PLD2: variants seen among roughly 807,000 people sequenced by gnomAD.
PLD2 encodes the protein phospholipase D2.
PLD2 carries 101 observed loss-of-function variants against 119.8 expected under a neutral mutation model. That is an observed-to-expected ratio of 0.84 (90% CI 0.72 to 0.99). The LOEUF (loss-of-function observed/expected upper bound fraction) is 0.99, where lower values mean the gene tolerates loss of function less well. Among genes scored for constraint, PLD2 ranks in the 50% least tolerant of loss-of-function variants. The pLI, the probability that PLD2 is intolerant of heterozygous loss-of-function variation, is 0.00. For missense variants in PLD2, 1,164 were observed against 1,226.8 expected (o/e 0.95, Z 0.76); for synonymous variants, 494 against 482.8 (o/e 1.02, Z -0.30).
chr17:4,820,530 T>C (rs1182258991), intron 23 of PLD2, among the ~76,000 whole-genome samples: 1 of 146,680 alleles, frequency 6.8e-6, no homozygotes, highest in Non-Finnish European at 1.5e-5. Flanking sequence ...GTGCTGGGAT[T>C]ACAGGCATGA....
At chr17:4,815,731 C>G (rs892461154) in intron 13 of PLD2, 33 bp from the exon 14 acceptor site, 1 of 1,609,844 alleles carries the variant, frequency 6.2e-7, no homozygotes, top group South Asian at 1.1e-5. Context: ...TTCACCTAAA[C>G]CCACCCTCAT....
intron 12 of PLD2, among the ~76,000 whole-genome samples, 173 bp from the exon 13 acceptor site, chr17:4,815,303 A>C (rs909147864): frequency 6.6e-6 from 1 of 152,054 alleles, no homozygotes; most frequent in Middle Eastern, 3.4e-3. Flanking sequence ...GTGGGTGAGC[A>C]CACAGATGAC....
Position 4,808,181 on chromosome 17 carries a change from C to T in PLD2, c.240+67C>T. The T allele has an allele frequency of 6.3e-7, 1 of 1,591,540 alleles. No individual in the cohort carries two copies. The highest frequency in any genetic ancestry group is 1.7e-5 in the Admixed American group (1 of 58,870). ...CCGGAATGGATCCAAGGTGGCTGGGCTGGCCCCAGGGAAGGGGCAAAAGGA... is the reference window on the plus strand; with the variant it reads ...CCGGAATGGATCCAAGGTGGCTGGGTTGGCCCCAGGGAAGGGGCAAAAGGA... On this transcript the variant is annotated intron_variant, in intron 3 of 24. Transcript: ENST00000263088. This position sits in a 1 kb window ranked among gnomAD's most constrained non-coding sequence, Gnocchi z 4.1.
chr17:4,808,231 G>A lies in PLD2; in HGVS notation c.241-43G>A. The stretch of plus-strand genomic sequence containing the variant: ...AGGGCTGGCCAGAGTGGGGAGGCGG[G>A]GACCCACGCAGGGGACATCCATTCA... On this transcript the variant is annotated intron_variant, in intron 3 of 24. Coordinates refer to ENST00000263088, the MANE Select transcript of PLD2 (RefSeq NM_002663.5). This position sits in a 1 kb window ranked among gnomAD's most constrained non-coding sequence, Gnocchi z 4.1. 1 of 1,605,138 alleles carries A rather than the reference G, an allele frequency of 6.2e-7. No homozygotes were observed.
rs924497952 is a variant in PLD2 at position 4,807,159 on chromosome 17, C to G, written c.-68C>G. 6.6e-6 allele frequency: 1 copy of G among 151,266 alleles called. No homozygotes were observed. Among genetic ancestry groups the G allele is most frequent in the African/African-American group, 2.4e-5 (1 of 41,260 alleles). The allele number at this position is 151,266 out of a possible 1,614,324, so 9.4% of individuals were successfully genotyped here. On this transcript the variant is annotated 5_prime_UTR_variant, in exon 1 of 25. Transcript: ENST00000263088. This position sits in a 1 kb window ranked among gnomAD's most constrained non-coding sequence, Gnocchi z 5.4. ...CCCCGCCTCGGCCGGGGCGTGGGCT[C>G]CGGCTGCAGCTCCGGTCTGCTCTCT...
chr17:4,815,465 C>T lies in PLD2; in HGVS notation c.1174-11C>T. 1 of 1,548,104 alleles carries T rather than the reference C, an allele frequency of 6.5e-7. No individual in the cohort carries two copies. Among genetic ancestry groups the T allele is most frequent in the Non-Finnish European group, 8.9e-7 (1 of 1,119,526 alleles). ...GAGGCACTAGGATCTGATTCCCCAA[C>T]TCACCACCAGGAGGAGGGTGTCCGT... is the stretch of plus-strand genomic sequence containing the variant. On this transcript the variant is annotated splice_polypyrimidine_tract_variant and intron_variant, in intron 12 of 24. Transcript: ENST00000263088.
intron 17 of PLD2, 55 bp downstream of exon 17, chr17:4,817,314 C>T (rs1907089151): frequency 1.8e-6 from 2 of 1,098,476 alleles, no homozygotes; most frequent in Non-Finnish European, 2.8e-6. Flanking sequence ...GCCTAACACC[C>T]CAACCCACTC....
chr17:4,821,233 C>G (rs1907645550), intron 23 of PLD2, among the ~76,000 whole-genome samples: 1 of 150,806 alleles, frequency 6.6e-6, no homozygotes, highest in African/African-American at 2.4e-5. Context: ...TAATTTTTTT[C>G]ACAGGTTCTG....
rs909332335 is a variant in PLD2 at position 4,819,969 on chromosome 17, G to A, written c.2462+387G>A. 2.6e-5 allele frequency among the ~76,000 whole-genome samples: 4 copies of A among 151,836 alleles called. No homozygotes were observed. The highest frequency in any genetic ancestry group is 1.9e-4 in the East Asian group (1 of 5,192). On this transcript the variant is annotated intron_variant, in intron 23 of 24. Coordinates refer to ENST00000263088, the MANE Select transcript of PLD2 (RefSeq NM_002663.5). This position sits in a 1 kb window ranked among gnomAD's most constrained non-coding sequence, Gnocchi z 4.2. ...GAAAAAAATCTTTTTTTTTTGAGAC[G>A]GAGTTTTGCTCTTGTTGCCCAGGCT...
rs767438228 is a variant in PLD2, at chr17:4,809,859, G to A, written c.708-18G>A. ...ATTTTGAGGGCAGAGAGGAACACAC[G>A]GAGCCCTTCTGCTCTAGGTGGCTGG... On this transcript the variant is annotated intron_variant, in intron 8 of 24. Coordinates refer to ENST00000263088, the MANE Select transcript of PLD2 (RefSeq NM_002663.5). 8.7e-6 allele frequency: 14 copies of A among 1,614,042 alleles called. No individual in the cohort carries two copies. Among genetic ancestry groups the A allele is most frequent in the South Asian group, 3.3e-5 (3 of 91,082 alleles).
chr17:4,808,384 C>T lies in PLD2; in HGVS notation c.351C>T (p.His117=), dbSNP rs532890833. ...FQELHRDLLR[H]KVLMSLLPLA... is the part of the protein sequence containing the mutation. ...AGCTGCATCGGGACCTCCTGAGACA[C>T]AAAGTCTTGATGAGTCTGCTCCCTC... is the stretch of plus-strand genomic sequence containing the variant. The change falls in exon 4 of 25, where the codon CAC becomes CAT. Residue 117 remains histidine, a synonymous_variant. Transcript: ENST00000263088. The surrounding 1 kb of genome is among the most constrained non-coding windows in gnomAD (Gnocchi z 4.1). The T allele has an allele frequency of 6.2e-7, 1 of 1,614,086 alleles. No individual in the cohort carries two copies. Among genetic ancestry groups the T allele is most frequent in the East Asian group, 2.2e-5 (1 of 44,886 alleles).
At chr17:4,817,351 CTCCTT>C in intron 17 of PLD2, 92 bp downstream of exon 17, 2 of 865,210 alleles carry the variant, frequency 2.3e-6, no homozygotes, top group Non-Finnish European at 2.0e-6. Flanking sequence ...TGCCCACACT[CTCCTT>C]TCCTGGGGTT....
chr17:4,808,114 G>A lies in PLD2; in HGVS notation c.240G>A (p.Lys80=), dbSNP rs1183347106. 1.9e-6 allele frequency: 3 copies of A among 1,607,280 alleles called. No homozygotes were observed. Among genetic ancestry groups the A allele is most frequent in the Non-Finnish European group, 2.6e-6 (3 of 1,174,540 alleles). ...CCGAAAGATATACCAGCGGATCCAAGGTGGCCAGACTGGCCCCAGGGAGGG... is the reference window on the plus strand; with the variant it reads ...CCGAAAGATATACCAGCGGATCCAAAGTGGCCAGACTGGCCCCAGGGAGGG... The part of the protein sequence containing the change: ...VGTERYTSGS[K]VGTCTLYSVR... Residue 80 remains lysine (K), a splice_region_variant and synonymous_variant, in exon 3 of 25, where the codon AAG becomes AAA. Coordinates refer to ENST00000263088, the MANE Select transcript of PLD2 (RefSeq NM_002663.5). This position sits in a 1 kb window ranked among gnomAD's most constrained non-coding sequence, Gnocchi z 4.1.
Position 4,814,407 on chromosome 17 carries a change from C to T in PLD2, c.1011-11C>T. ...GACTCCCCTGACCTCCTTGGCTTGG[C>T]CTCCCCCCAGGTTTGTGAATGGGGC... On this transcript the variant is annotated splice_polypyrimidine_tract_variant and intron_variant, in intron 10 of 24. Transcript: ENST00000263088. The T allele has an allele frequency of 1.9e-6, 3 of 1,605,458 alleles. No homozygotes were observed. The highest frequency in any genetic ancestry group is 1.7e-5 in the Admixed American group (1 of 58,560).
chr17:4,822,044 A>G, intron 24 of PLD2, 137 bp downstream of exon 24: 1 of 616,866 alleles, frequency 1.6e-6, no homozygotes, highest in Non-Finnish European at 2.9e-6. Context: ...TTTGCTATCA[A>G]GAGATTTAGT....
At position 4,818,547 on chromosome 17, in the gene PLD2, A is replaced by G. The variant is rs1165539234; in HGVS notation, c.2063A>G (p.Glu688Gly). ...CTTTTGCCCTTACTCCCTGGCTTCG[A>G]GGGTGACATCTCCACGGGCGGTGGC... is the stretch of plus-strand genomic sequence containing the variant. ...YVLLPLLPGFEGDISTGGGNS... is the reference protein window; with the variant it reads ...YVLLPLLPGFGGDISTGGGNS... Residue 688 changes from glutamate to glycine, a missense_variant, in exon 20 of 25, where the codon GAG becomes GGG. By Grantham distance (98) the Glu-to-Gly change is moderately conservative. Coordinates refer to ENST00000263088, the MANE Select transcript of PLD2 (RefSeq NM_002663.5). 14 of 1,613,904 alleles carry G rather than the reference A, an allele frequency of 8.7e-6. No individual in the cohort carries two copies. The highest frequency in any genetic ancestry group is 1.2e-5 in the Non-Finnish European group (14 of 1,179,954).
chr17:4,809,380 G>T lies in PLD2; in HGVS notation c.555+17G>T. ...CATGCCATGGTAAGGTCCAGGGGCC[G>T]ATTTTAGATGTGGAGCAGGATTATC... On this transcript the variant is annotated intron_variant, in intron 6 of 24. Coordinates refer to ENST00000263088, the MANE Select transcript of PLD2 (RefSeq NM_002663.5). 2 of 1,613,742 alleles carry T rather than the reference G, an allele frequency of 1.2e-6. No homozygotes were observed. The highest frequency in any genetic ancestry group is 1.3e-5 in the African/African-American group (1 of 75,050).
In PLD2 at chr17:4,807,705, G is replaced by A; in HGVS notation, c.-1-67G>A. On this transcript the variant is annotated intron_variant, in intron 1 of 24. Coordinates refer to ENST00000263088, the MANE Select transcript of PLD2 (RefSeq NM_002663.5). The surrounding 1 kb of genome is among the most constrained non-coding windows in gnomAD (Gnocchi z 5.4). Reference sequence around the variant, plus strand: ...GATCTGGAAGAGATGGAGGACCTGCGGGAGTTAGGATGGGGGGCGGGTTCT... The same window carrying A: ...GATCTGGAAGAGATGGAGGACCTGCAGGAGTTAGGATGGGGGGCGGGTTCT... 1 of 858,122 alleles carries A rather than the reference G, an allele frequency of 1.2e-6. No individual in the cohort carries two copies. Among genetic ancestry groups the A allele is most frequent in the Non-Finnish European group, 1.9e-6 (1 of 523,440 alleles). 53.2% of individuals were successfully genotyped at this position (858,122 alleles called of 1,614,324 possible).
intron 24 of PLD2, 42 bp from the exon 25 acceptor site, chr17:4,822,598 A>T (rs1264836187): frequency 3.6e-6 from 5 of 1,373,038 alleles, no homozygotes; most frequent in Non-Finnish European, 5.1e-6. Context: ...TTGTTGGGAG[A>T]GTCTCCCCAA....
Sources: allele counts gnomAD v4.1 joint callset (sites outside exome capture counted in the v4.1 genomes callset), GRCh38; gene constraint gnomAD v4.1.1; non-coding constraint Gnocchi (gnomAD v3.1); transcripts MANE v1.5; gene names NCBI Gene and HGNC (gene_info 2026-07-23, HGNC 2026-07-21).